The following MGAT4C variants were observed in gnomAD, a reference collection of about 807,000 sequenced individuals.
MGAT4C encodes alpha-1,3-mannosyl-glycoprotein 4-beta-N-acetylglucosaminyltransferase C.
MGAT4C carries 19 observed loss-of-function variants against 40.1 expected under a neutral mutation model. The observed-to-expected ratio is 0.47, with a 90% CI of 0.33 to 0.70. The LOEUF is 0.70. Ranked by LOEUF, MGAT4C falls within the 30% of genes least tolerant of loss-of-function variation. MGAT4C has a pLI of 0.02. For synonymous variants in MGAT4C, 181 were observed against 187.1 expected (o/e 0.97, Z 0.27); for missense variants, 491 against 563.2 (o/e 0.87, Z 1.30).
intron 1 of MGAT4C, among the ~76,000 whole-genome samples, chr12:86,159,458 T>G (rs1885347430): frequency 6.6e-6 from 1 of 151,880 alleles, no homozygotes; most frequent in Admixed American, 6.6e-5. Context: ...GTGTCTATGT[T>G]CATGAGGGAT....
intron 2 of MGAT4C, among the ~76,000 whole-genome samples, chr12:86,458,569 A>G (rs938722273): frequency 6.6e-6 from 1 of 152,202 alleles, no homozygotes. Flanking sequence ...TAGCCACTAT[A>G]TTACATGTTT....
At chr12:86,296,143 C>G (rs12821929) in intron 4 of MGAT4C, among the ~76,000 whole-genome samples, 1 of 137,448 alleles carries the variant, frequency 7.3e-6, no homozygotes, top group African/African-American at 2.8e-5. Context: ...AGGGTGCTGA[C>G]TGGTTTGTTT....
chr12:86,377,355 G>T (rs568225035), intron 3 of MGAT4C, among the ~76,000 whole-genome samples: 1 of 152,158 alleles, frequency 6.6e-6, no homozygotes, highest in Non-Finnish European at 1.5e-5. Flanking sequence ...CACTGCACCC[G>T]GCTGGCATTT....
chr12:86,113,890 T>C (rs189270128), intron 1 of MGAT4C, among the ~76,000 whole-genome samples: 2 of 151,872 alleles, frequency 1.3e-5, no homozygotes, highest in African/African-American at 4.8e-5. Context: ...ACTGGAAAAG[T>C]CTCAAAAGAC....
intron 2 of MGAT4C, among the ~76,000 whole-genome samples, chr12:86,528,984 C>A (rs1047028143): frequency 2.0e-5 from 3 of 151,482 alleles, no homozygotes; most frequent in African/African-American, 4.9e-5. Context: ...GAAAAAAAAA[C>A]CACTAAAAGA....
intron 4 of MGAT4C, among the ~76,000 whole-genome samples, chr12:86,268,354 T>A (rs1047463048): frequency 1.3e-5 from 2 of 152,102 alleles, no homozygotes; most frequent in Non-Finnish European, 2.9e-5. Flanking sequence ...TGTATTAATA[T>A]ATTCAACTGG....
At chr12:86,183,408 G>A (rs748850461) in intron 1 of MGAT4C, among the ~76,000 whole-genome samples, 31 of 151,950 alleles carry the variant, frequency 2.0e-4, no homozygotes, top group Non-Finnish European at 3.8e-4. Flanking sequence ...TTCTTAATCC[G>A]AGAAAAGGAT....
At chr12:86,402,919 T>C (rs373768094) in intron 3 of MGAT4C, among the ~76,000 whole-genome samples, 1 of 152,166 alleles carries the variant, frequency 6.6e-6, no homozygotes, top group African/African-American at 2.4e-5. Context: ...CAGCTGACTC[T>C]GAACTAGGAA....
intron 2 of MGAT4C, among the ~76,000 whole-genome samples, chr12:86,617,646 C>T (rs890051916): frequency 6.6e-6 from 1 of 151,744 alleles, no homozygotes; most frequent in African/African-American, 2.4e-5. Flanking sequence ...GGAGATCCTG[C>T]CGCTGCACTC....
intron 2 of MGAT4C, among the ~76,000 whole-genome samples, chr12:86,551,766 G>A (rs187235995): frequency 2.4e-4 from 36 of 152,204 alleles, no homozygotes; most frequent in Non-Finnish European, 4.6e-4. Context: ...AGGCAAAGCT[G>A]CACCACCACT....
chr12:86,575,956 C>T (rs1960541550), intron 2 of MGAT4C, among the ~76,000 whole-genome samples: 1 of 151,836 alleles, frequency 6.6e-6, no homozygotes, highest in Admixed American at 6.6e-5. Flanking sequence ...CAACAACGTA[C>T]AATGTCCCCA....
In MGAT4C at chr12:85,974,953, G is replaced by T. The variant is rs1032941786; in HGVS notation, c.*4336C>A. 1 of 149,922 alleles carries T rather than the reference G, an allele frequency of 6.7e-6. No individual in the cohort carries two copies. 9.3% of individuals were successfully genotyped at this position (149,922 alleles called of 1,614,324 possible). On this transcript the variant is annotated 3_prime_UTR_variant, in exon 5 of 5. Coordinates refer to ENST00000611864, the MANE Select transcript of MGAT4C (RefSeq NM_001351288.2). ...TGACATTAAAAAAAAAAAGTAAAAA[G>T]ATTCTGAAGACTGCATTTCTGAGCT...
chr12:86,278,461 G>T (rs7973943), intron 4 of MGAT4C, among the ~76,000 whole-genome samples: 99,346 of 151,944 alleles, frequency 0.65, 33,257 homozygotes, highest in South Asian at 0.78. Flanking sequence ...TTACAGGCGT[G>T]AGCCACCATG....
intron 2 of MGAT4C, among the ~76,000 whole-genome samples, chr12:86,569,730 G>A (rs1050729175): frequency 4.7e-4 from 71 of 152,188 alleles, no homozygotes; most frequent in African/African-American, 1.5e-3. Context: ...AAAGAGATAT[G>A]TGAAGCTCTA....
intron 2 of MGAT4C, among the ~76,000 whole-genome samples, chr12:86,507,323 G>A (rs1958488183): frequency 6.6e-6 from 1 of 152,172 alleles, no homozygotes; most frequent in Non-Finnish European, 1.5e-5. Context: ...CATGGGAAGA[G>A]TATGTTTTCC....
intron 1 of MGAT4C, among the ~76,000 whole-genome samples, chr12:86,210,525 G>A (rs1950420938): frequency 6.6e-6 from 1 of 152,096 alleles, no homozygotes; most frequent in Non-Finnish European, 1.5e-5. Flanking sequence ...TCCAGACCTT[G>A]GTCCTCAATG....
chr12:86,703,145 T>C (rs1415390883), intron 2 of MGAT4C, among the ~76,000 whole-genome samples: 1 of 152,070 alleles, frequency 6.6e-6, no homozygotes, highest in Non-Finnish European at 1.5e-5. Context: ...CACACGTAAA[T>C]AGATGAGGAA....
chr12:85,973,510 A>G lies in MGAT4C; in HGVS notation c.*5779T>C, dbSNP rs892709507. On this transcript the variant is annotated 3_prime_UTR_variant, in exon 5 of 5. Coordinates refer to ENST00000611864, the MANE Select transcript of MGAT4C (RefSeq NM_001351288.2). ...TAAATAAAGTAATGATTCTCTTTAT[A>G]TTAAATTTAATGTATGTGTGCCTCA... 6.6e-6 allele frequency: 1 copy of G among 150,848 alleles called. No homozygotes were observed. Among genetic ancestry groups the G allele is most frequent in the African/African-American group, 2.4e-5 (1 of 41,340 alleles). 9.3% of individuals were successfully genotyped at this position (150,848 alleles called of 1,614,324 possible).
chr12:85,997,645 C>G (rs1886777631), intron 2 of MGAT4C, among the ~76,000 whole-genome samples: 1 of 152,146 alleles, frequency 6.6e-6, no homozygotes, highest in African/African-American at 2.4e-5. Flanking sequence ...CAAAATCCAG[C>G]AAGGCAGTCA....
Sources: allele counts gnomAD v4.1 joint callset (sites outside exome capture counted in the v4.1 genomes callset), GRCh38; gene constraint gnomAD v4.1.1; transcripts MANE v1.5; gene names NCBI Gene and HGNC (gene_info 2026-07-23, HGNC 2026-07-21).